The following NDUFAF6 variants were observed in gnomAD, a reference collection of about 807,000 sequenced individuals.
NDUFAF6 encodes the protein NADH:ubiquinone oxidoreductase complex assembly factor 6.
A neutral mutation model predicts 40.8 loss-of-function variants in NDUFAF6; 45 were observed. That is an observed-to-expected ratio of 1.10 (90% CI 0.87 to 1.42). The LOEUF (loss-of-function observed/expected upper bound fraction) is 1.42, where lower values mean the gene tolerates loss of function less well. Ranked by LOEUF, NDUFAF6 falls within the 40% of genes most tolerant of loss-of-function variation. The pLI, the probability that NDUFAF6 is intolerant of heterozygous loss-of-function variation, is 0.00. For synonymous variants in NDUFAF6, 185 were observed against 155.9 expected, an observed-to-expected ratio of 1.19 and a Z score of -1.39; for missense variants, 435 against 418.5, an observed-to-expected ratio of 1.04 and a Z score of -0.34.
chr8:94,902,693 CTTT>C (rs35185664), intron 1 of NDUFAF6, among the ~76,000 whole-genome samples: 3 of 121,524 alleles, frequency 2.5e-5, no homozygotes, highest in Admixed American at 8.9e-5. Context: ...TGTGGACATA[CTTT>C]TTTTTTTTTT....
chr8:95,050,117 A>G (rs187175375), intron 7 of NDUFAF6, among the ~76,000 whole-genome samples: 78 of 152,248 alleles, frequency 5.1e-4, no homozygotes, highest in Non-Finnish European at 1.0e-3. Context: ...ATCTGAGCAC[A>G]CTACAGAATC....
chr8:95,099,763 G>A (rs1334744165), upstream of NDUFAF6, among the ~76,000 whole-genome samples: 4 of 151,952 alleles, frequency 2.6e-5, no homozygotes, highest in Non-Finnish European at 5.9e-5. Flanking sequence ...ATCTTACCGG[G>A]GCTTGGTGGG....
downstream of NDUFAF6, among the ~76,000 whole-genome samples, chr8:95,078,009 G>A (rs1010851729): frequency 1.3e-5 from 2 of 152,272 alleles, no homozygotes; most frequent in East Asian, 1.9e-4. Context: ...GCCGCGGAAG[G>A]AAGGTAGTGA....
At chr8:95,113,065 A>G (rs987059319) in intron 4 of NDUFAF6, among the ~76,000 whole-genome samples, 13 of 152,248 alleles carry the variant, frequency 8.5e-5, no homozygotes, top group African/African-American at 3.1e-4. Flanking sequence ...TGAGACCACC[A>G]CAGTCCTACG....
At chr8:94,910,182 T>A (rs940827551) in intron 1 of NDUFAF6, among the ~76,000 whole-genome samples, 12 of 151,808 alleles carry the variant, frequency 7.9e-5, no homozygotes, top group African/African-American at 2.2e-4. Context: ...GGAGATGGAG[T>A]CGCTCTGTCG....
intron 2 of NDUFAF6, among the ~76,000 whole-genome samples, chr8:95,008,867 G>A (rs1827113028): frequency 6.6e-6 from 1 of 152,092 alleles, no homozygotes; most frequent in Non-Finnish European, 1.5e-5. Context: ...TCCATTTCAT[G>A]TACATTTCAT....
upstream of NDUFAF6, among the ~76,000 whole-genome samples, chr8:94,953,845 A>G (rs1450966584): frequency 6.6e-6 from 1 of 152,162 alleles, no homozygotes. Context: ...GAACTACCTT[A>G]AATATCCATT....
chr8:94,940,909 A>G, intron 1 of NDUFAF6: 1 of 1,613,928 alleles, frequency 6.2e-7, no homozygotes, highest in Admixed American at 1.7e-5. Context: ...AACTGACTTC[A>G]CCCACAAACA....
intron 1 of NDUFAF6, among the ~76,000 whole-genome samples, chr8:94,914,970 G>A (rs1364789908): frequency 6.6e-6 from 1 of 152,060 alleles, no homozygotes; most frequent in Admixed American, 6.6e-5. Context: ...TTGTTACATG[G>A]ATATATTTTG....
intron 1 of NDUFAF6, among the ~76,000 whole-genome samples, chr8:95,025,432 C>T (rs573110253): frequency 2.8e-4 from 43 of 152,316 alleles, no homozygotes; most frequent in African/African-American, 1.0e-3. Context: ...CGACTGCCCA[C>T]GCTTGTCGCC....
chr8:94,948,775 T>TGAGGAGGGGTGAGAG (rs1822252263), intron 2 of NDUFAF6, among the ~76,000 whole-genome samples: 1 of 146,906 alleles, frequency 6.8e-6, no homozygotes, highest in South Asian at 2.2e-4. Flanking sequence ...TGGAGGGGAG[T>TGAGGAGGGGTGAGAG]GAGGAGGGGT....
At chr8:95,117,719 T>G (rs1810164676), downstream of NDUFAF6, among the ~76,000 whole-genome samples, 1 of 152,188 alleles carries the variant, frequency 6.6e-6, no homozygotes, top group Non-Finnish European at 1.5e-5. Flanking sequence ...GACATATGTC[T>G]CTTCCGGGCC....
At chr8:94,998,915 C>T (rs114938857) in intron 2 of NDUFAF6, among the ~76,000 whole-genome samples, 1,542 of 151,934 alleles carry the variant, frequency 0.01, 26 homozygotes, top group African/African-American at 0.035. Flanking sequence ...GGGTTTGTTA[C>T]GGTTGGAGAG....
At chr8:95,090,586 C>T (rs989236547) in intron 2 of NDUFAF6, among the ~76,000 whole-genome samples, 11 of 152,136 alleles carry the variant, frequency 7.2e-5, no homozygotes, top group East Asian at 1.9e-4. Flanking sequence ...GTCTTCTCCC[C>T]GCCGTTTCTT....
At chr8:94,961,931 C>T (rs927590862) in intron 1 of NDUFAF6, among the ~76,000 whole-genome samples, 1 of 152,214 alleles carries the variant, frequency 6.6e-6, no homozygotes, top group Non-Finnish European at 1.5e-5. Context: ...ATTGCCAGGG[C>T]CCGTCTCCAG....
downstream of NDUFAF6, among the ~76,000 whole-genome samples, chr8:95,080,470 T>G (rs1226186720): frequency 6.6e-6 from 1 of 151,796 alleles, no homozygotes; most frequent in East Asian, 1.9e-4. Flanking sequence ...TGTATTTTTG[T>G]AGTGTATTTT....
intron 3 of NDUFAF6, among the ~76,000 whole-genome samples, chr8:95,039,213 G>C (rs977697543): frequency 6.6e-6 from 1 of 151,548 alleles, no homozygotes; most frequent in Non-Finnish European, 1.5e-5. Context: ...CCAGCACTTT[G>C]GGAGGCCGAG....
chr8:94,953,164 A>G (rs1004741603), upstream of NDUFAF6, among the ~76,000 whole-genome samples: 10 of 152,178 alleles, frequency 6.6e-5, no homozygotes, highest in African/African-American at 2.4e-4. Context: ...CCTGACCAAC[A>G]TGGAGAAACC....
At chr8:95,082,018 C>T (rs530571934) in intron 2 of NDUFAF6, among the ~76,000 whole-genome samples, 3 of 152,192 alleles carry the variant, frequency 2.0e-5, no homozygotes, top group South Asian at 2.1e-4. Context: ...GAGCCGAGAT[C>T]GCGCCACTGC....
Sources: gnomAD v4.1 joint callset for allele counts (sites outside exome capture counted in the v4.1 genomes callset) on GRCh38, gnomAD v4.1.1 for gene constraint, MANE v1.5 for transcripts, NCBI Gene and HGNC (gene_info 2026-07-23, HGNC 2026-07-21) for gene names.